The following RASGRF1 variants were observed in gnomAD, a reference collection of about 807,000 sequenced individuals.
The protein encoded by RASGRF1 is ras-specific guanine nucleotide-releasing factor 1.
In RASGRF1, 40 loss-of-function variants were observed where a neutral mutation model predicts 138.7. The observed-to-expected ratio is 0.29, with a 90% confidence interval of 0.22 to 0.38. RASGRF1 has a LOEUF of 0.38. Among genes scored for constraint, RASGRF1 ranks in the 10% least tolerant of loss-of-function variants. The pLI, the probability that RASGRF1 is intolerant of heterozygous loss-of-function variation, is 1.00. For missense variants in RASGRF1, 1,108 were observed against 1,650.4 expected, an observed-to-expected ratio of 0.67 and a Z score of 5.69; for synonymous variants, 614 against 663.2, an observed-to-expected ratio of 0.93 and a Z score of 1.14.
chr15:79,017,711 C>A, intron 12 of RASGRF1, 59 bp downstream of exon 12: 1 of 1,534,254 alleles, frequency 6.5e-7, no homozygotes, highest in Non-Finnish European at 8.8e-7. Context: ...CAGCCAAATC[C>A]CTGACCTGGT....
intron 13 of RASGRF1, among the ~76,000 whole-genome samples, chr15:79,014,525 T>C (rs1170576707): frequency 6.6e-6 from 1 of 152,152 alleles, no homozygotes. Flanking sequence ...CATTCATAAG[T>C]GGGACCTAAG....
intron 12 of RASGRF1, among the ~76,000 whole-genome samples, chr15:79,017,481 G>T (rs375925647): frequency 1.3e-5 from 2 of 152,296 alleles, no homozygotes; most frequent in South Asian, 2.1e-4. Flanking sequence ...GGGGAAAGGG[G>T]AGAAGGGTCC....
At position 79,050,035 on chromosome 15, in the gene RASGRF1, G is replaced by A. The variant is rs2057409634; in HGVS notation, c.532-447C>T. On this transcript the variant is annotated intron_variant, in intron 3 of 26. Transcript: ENST00000558480. This position sits in a 1 kb window ranked among gnomAD's most constrained non-coding sequence, Gnocchi z 4.1. ...ATTTACCATTTTAACAATTTTTAAG[G>A]GTATGGTTCAGTGGCATTAAGGACA... Among the ~76,000 whole-genome samples the A allele has an allele frequency of 6.6e-6, 1 of 152,090 alleles. No homozygotes were observed. Among genetic ancestry groups the A allele is most frequent in the Admixed American group, 6.5e-5 (1 of 15,278 alleles).
intron 13 of RASGRF1, among the ~76,000 whole-genome samples, chr15:79,010,395 G>A (rs1355523239): frequency 6.6e-6 from 1 of 152,178 alleles, no homozygotes; most frequent in Admixed American, 6.5e-5. Flanking sequence ...CTGCAAAATG[G>A]GAGAGTGCAT....
rs148500613 is a variant in RASGRF1 at position 79,055,619 on chromosome 15, G to C, written c.531+2715C>G. ...TCTCTCACTCAGTCATGACTGACCT[G>C]CTTTCTGCTCCCCAACACCACAGGG... On this transcript the variant is annotated intron_variant, in intron 3 of 26. Coordinates refer to ENST00000558480, the MANE Select transcript of RASGRF1 (RefSeq NM_001145648.3). Among the ~76,000 whole-genome samples, 77 of 152,004 alleles carry C rather than the reference G, an allele frequency of 5.1e-4. 1 individual carries two copies. Among genetic ancestry groups the C allele is most frequent in the Non-Finnish European group, 6.8e-4 (46 of 67,988 alleles).
rs147952942 is a variant in RASGRF1, at chr15:79,003,980, G to A, written c.2271C>T (p.Ala757=). ...IITGGKALDL[A]ALSCNSNGYT... is the part of the protein sequence containing the mutation. ...AGCCATTGGAGTTGCAGCTGAGGGC[G>A]GCCAGGTCCAGGGCCTTGCCGCCAG... Residue 757 remains alanine (A), a synonymous_variant, in exon 15 of 27, where the codon GCC becomes GCT. Coordinates refer to ENST00000558480, the MANE Select transcript of RASGRF1 (RefSeq NM_001145648.3). 2.3e-5 allele frequency: 37 copies of A among 1,614,010 alleles called. No individual in the cohort carries two copies. Among genetic ancestry groups the A allele is most frequent in the Middle Eastern group, 1.6e-4 (1 of 6,082 alleles).
At chr15:79,008,936 C>T (rs1237301687) in intron 13 of RASGRF1, among the ~76,000 whole-genome samples, 2 of 152,222 alleles carry the variant, frequency 1.3e-5, no homozygotes, top group African/African-American at 4.8e-5. Flanking sequence ...TCTCTATTCT[C>T]CCTACAAGAT....
chr15:78,969,672 A>G (rs2055712381), intron 26 of RASGRF1, among the ~76,000 whole-genome samples: 1 of 152,192 alleles, frequency 6.6e-6, no homozygotes, highest in Non-Finnish European at 1.5e-5. Flanking sequence ...CTGTCTTAAA[A>G]AAAAGAAAAG....
chr15:79,011,484 T>C (rs1191336260), intron 13 of RASGRF1, among the ~76,000 whole-genome samples: 1 of 152,130 alleles, frequency 6.6e-6, no homozygotes, highest in African/African-American at 2.4e-5. Context: ...ACATTCAATA[T>C]TTATTAGGTC....
chr15:78,975,501 C>CTT (rs2055852930), intron 24 of RASGRF1, among the ~76,000 whole-genome samples: 1 of 146,620 alleles, frequency 6.8e-6, no homozygotes, highest in Non-Finnish European at 1.5e-5. Flanking sequence ...TCTTCATTTC[C>CTT]TTCCTTTCTT....
chr15:79,068,377 TGGG>T (rs2057707323), intron 1 of RASGRF1, among the ~76,000 whole-genome samples: 1 of 151,762 alleles, frequency 6.6e-6, no homozygotes, highest in East Asian at 1.9e-4. Flanking sequence ...CAGTGTGGCT[TGGG>T]GGCAACTAAG....
chr15:78,961,945 G>C lies in RASGRF1; in HGVS notation c.*199C>G. 1 of 552,190 alleles carries C rather than the reference G, an allele frequency of 1.8e-6. No individual in the cohort carries two copies. Among genetic ancestry groups the C allele is most frequent in the South Asian group, 2.1e-5 (1 of 47,028 alleles). 34.2% of individuals were successfully genotyped at this position (552,190 alleles called of 1,614,324 possible). ...AAAAGAAACAGGCACTGCAGGAGAC[G>C]AGGGGAGGGATGGGTGGGCGAAGTC... On this transcript the variant is annotated 3_prime_UTR_variant, in exon 27 of 27. Transcript: ENST00000558480.
Position 79,006,336 on chromosome 15 carries a change from C to T in RASGRF1, c.1925G>A (p.Arg642Gln), listed in dbSNP as rs1220323522. 4 of 1,614,198 alleles carry T rather than the reference C, an allele frequency of 2.5e-6. No individual in the cohort carries two copies. Among genetic ancestry groups the T allele is most frequent in the African/African-American group, 1.3e-5 (1 of 75,044 alleles). The change falls in exon 14 of 27, where the codon CGG (arginine) becomes CAG (glutamine). Residue 642 changes from arginine to glutamine, a missense_variant. Arg to Gln is a conservative substitution (Grantham distance 43). Around this residue, in one of 3 missense-constraint regions of RASGRF1, gnomAD observed 686 missense variants for 976.7 expected, o/e 0.70. Transcript: ENST00000558480. This position sits in a 1 kb window ranked among gnomAD's most constrained non-coding sequence, Gnocchi z 4.0. Reference protein sequence around the residue: ...VLQIRYASVERLLERLTDLRF... With the variant: ...VLQIRYASVEQLLERLTDLRF... ...CAGGTCCGTCAGCCTCTCCAGCAGC[C>T]GCTCCACACTGGCGTAGCGGATCTG...
chr15:78,980,756 C>G (rs2278650), intron 23 of RASGRF1, 57 bp from the exon 24 acceptor site: 371,807 of 1,351,828 alleles, frequency 0.28, 52,631 homozygotes, highest in African/African-American at 0.41. Flanking sequence ...TCCCCGAGGC[C>G]CGGGGATCAG....
chr15:79,064,578 A>G lies in RASGRF1; in HGVS notation c.277-52T>C, dbSNP rs903192423. The G allele has an allele frequency of 2.7e-6, 4 of 1,486,204 alleles. No individual in the cohort carries two copies. The East Asian group carries it at 9.3e-5, about 35-fold the overall frequency. 92.1% of individuals were successfully genotyped at this position (1,486,204 alleles called of 1,614,324 possible). On this transcript the variant is annotated intron_variant, in intron 1 of 26. Coordinates refer to ENST00000558480, the MANE Select transcript of RASGRF1 (RefSeq NM_001145648.3). ...TTACCAGAGTGTCCATGGGACCAAC[A>G]ACGACTCTTGCAATCAATCTAGCTG...
chr15:78,967,198 G>T (rs898991522), intron 26 of RASGRF1, among the ~76,000 whole-genome samples: 1 of 152,026 alleles, frequency 6.6e-6, no homozygotes, highest in Non-Finnish European at 1.5e-5. Context: ...AGCTATGATT[G>T]TGTCACTGCA....
intron 24 of RASGRF1, chr15:78,979,259 C>T (rs965008762): frequency 4.4e-5 from 51 of 1,153,562 alleles, no homozygotes; most frequent in Middle Eastern, 4.7e-4. Flanking sequence ...ACAGAGCTGG[C>T]AAAGGACAGA....
intron 1 of RASGRF1, among the ~76,000 whole-genome samples, chr15:79,078,165 G>A (rs1467199170): frequency 7.2e-5 from 9 of 125,178 alleles, no homozygotes; most frequent in African/African-American, 9.9e-5. Flanking sequence ...ATGCATGTGC[G>A]TATGTGTGCA....
chr15:78,987,718 AAAAAC>A (rs67455702), intron 22 of RASGRF1, among the ~76,000 whole-genome samples: 2,348 of 152,092 alleles, frequency 0.015, 26 homozygotes, highest in Middle Eastern at 0.024. Context: ...ACAAAACAAA[AAAAAC>A]CAAAAAACCC....
Sources: allele counts gnomAD v4.1 joint callset (sites outside exome capture counted in the v4.1 genomes callset), GRCh38; gene constraint gnomAD v4.1.1; regional missense constraint gnomAD v4.1.1; non-coding constraint Gnocchi (gnomAD v3.1); transcripts MANE v1.5; gene names NCBI Gene and HGNC (gene_info 2026-07-23, HGNC 2026-07-21).